Variants in ULK4 observed in about 807,000 individuals in gnomAD.
ULK4 encodes inactive serine/threonine-protein kinase ULK4.
ULK4 carries 133 observed loss-of-function variants against 160.6 expected under a neutral mutation model. The ratio of observed to expected loss-of-function variants is 0.83; its 90% CI spans 0.72 to 0.96. The LOEUF (loss-of-function observed/expected upper bound fraction) is 0.96. Among genes scored for constraint, ULK4 ranks in the 40% least tolerant of loss-of-function variants. ULK4 has a pLI of 0.00. For missense variants in ULK4, 1,580 were observed against 1,499.5 expected (o/e 1.05, Z -0.89); for synonymous variants, 534 against 539.8 (o/e 0.99, Z 0.15).
chr3:41,292,249 G>C (rs994998070), intron 35 of ULK4, among the ~76,000 whole-genome samples: 1 of 152,180 alleles, frequency 6.6e-6, no homozygotes, highest in Non-Finnish European at 1.5e-5. Context: ...TAAATAATTT[G>C]TAAAGACAAG....
At position 41,819,432 on chromosome 3, in the gene ULK4, A is replaced by C. The variant is rs748378979; in HGVS notation, c.1839T>G (p.Leu613=). The change falls in exon 19 of 37, where the codon CTT becomes CTG. Residue 613 remains leucine, a synonymous_variant. Coordinates refer to ENST00000301831, the MANE Select transcript of ULK4 (RefSeq NM_017886.4). ...AACAAAGGAGCCTTACCCCTTCCCG[A>C]AGGCACCTCATTAGCACTGTGTATG... The part of the protein sequence containing the change: ...LAAYTVLMRC[L]REGEERVVNH... 1.2e-6 allele frequency: 2 copies of C among 1,613,722 alleles called. No homozygotes were observed. The highest frequency in any genetic ancestry group is 1.7e-6 in the Non-Finnish European group (2 of 1,179,854).
chr3:41,563,306 C>A (rs1034890630), intron 32 of ULK4, among the ~76,000 whole-genome samples: 5 of 151,656 alleles, frequency 3.3e-5, no homozygotes, highest in Admixed American at 2.0e-4. Context: ...TCCTTCATTT[C>A]AACCTTGGTG....
chr3:41,743,957 G>A lies in ULK4; in HGVS notation c.2321+10404C>T, dbSNP rs2038330418. On this transcript the variant is annotated intron_variant, in intron 22 of 36. Transcript: ENST00000301831. ...GTAGGGAAAATAAAAAGAAAGTAGGGAAAATAAAAGTAAACTAGGTGTTTA... is the reference window on the plus strand; with the variant it reads ...GTAGGGAAAATAAAAAGAAAGTAGGAAAAATAAAAGTAAACTAGGTGTTTA... Among the ~76,000 whole-genome samples, 3 of 151,874 alleles carry A rather than the reference G, an allele frequency of 2.0e-5. No homozygotes were observed. In the South Asian group the frequency reaches 6.2e-4, roughly 32 times the overall value.
intron 18 of ULK4, among the ~76,000 whole-genome samples, chr3:41,831,531 A>ATATATATATTTTTTT: frequency 2.9e-5 from 4 of 138,064 alleles, no homozygotes; most frequent in African/African-American, 1.1e-4. Context: ...ATATATATAT[A>ATATATATATTTTTTT]TTTTTTTTTC....
intron 17 of ULK4, among the ~76,000 whole-genome samples, chr3:41,857,344 T>C (rs764646582): frequency 6.6e-6 from 1 of 152,222 alleles, no homozygotes; most frequent in Non-Finnish European, 1.5e-5. Context: ...TTCAGTTTCC[T>C]AGTATTTTGT....
At chr3:41,311,727 C>A (rs1012321827) in intron 35 of ULK4, among the ~76,000 whole-genome samples, 1 of 151,508 alleles carries the variant, frequency 6.6e-6, no homozygotes, top group African/African-American at 2.4e-5. Context: ...TGCCACTAGG[C>A]TCGGCTAATT....
intron 22 of ULK4, among the ~76,000 whole-genome samples, chr3:41,720,182 G>A (rs2037402161): frequency 6.6e-6 from 1 of 152,066 alleles, no homozygotes; most frequent in Non-Finnish European, 1.5e-5. Flanking sequence ...AAATACCTAA[G>A]GGCAAGGACT....
chr3:41,733,804 A>G (rs1368733303), intron 22 of ULK4, among the ~76,000 whole-genome samples: 1 of 132,666 alleles, frequency 7.5e-6, no homozygotes, highest in East Asian at 2.2e-4. Context: ...GCGCAATCTC[A>G]CCTCACTGTA....
chr3:41,411,280 G>A (rs896620755), intron 34 of ULK4, among the ~76,000 whole-genome samples: 4 of 152,026 alleles, frequency 2.6e-5, no homozygotes, highest in Admixed American at 6.6e-5. Flanking sequence ...TATACCTCCA[G>A]CATTAACATC....
chr3:41,543,599 T>C (rs867531881), intron 32 of ULK4, among the ~76,000 whole-genome samples: 2 of 152,188 alleles, frequency 1.3e-5, no homozygotes, highest in African/African-American at 4.8e-5. Flanking sequence ...ATCCAATCTC[T>C]GTTATAAGTC....
At chr3:41,427,335 C>G (rs1320254098) in intron 34 of ULK4, among the ~76,000 whole-genome samples, 8 of 148,402 alleles carry the variant, frequency 5.4e-5, no homozygotes, top group Non-Finnish European at 1.2e-4. Flanking sequence ...ACCAGAGGTA[C>G]AAAGAGAAGC....
chr3:41,669,792 A>G (rs2035474072), intron 29 of ULK4, among the ~76,000 whole-genome samples: 1 of 150,796 alleles, frequency 6.6e-6, no homozygotes, highest in Admixed American at 6.6e-5. Context: ...CCAGTAATAT[A>G]GTGTTATATA....
At chr3:41,914,677 GTTTAC>G in intron 8 of ULK4, 1 of 152,244 alleles carries the variant, frequency 6.6e-6, no homozygotes, top group East Asian at 1.9e-4. Context: ...CATTCTAAAC[GTTTAC>G]TTTTTTATAG....
chr3:41,720,425 T>TA (rs11457888), intron 22 of ULK4, among the ~76,000 whole-genome samples: 47,355 of 151,562 alleles, frequency 0.31, 10,790 homozygotes, highest in African/African-American at 0.65. Flanking sequence ...GCTAAAAAAA[T>TA]AAAAAACTTC....
Position 41,464,898 on chromosome 3 carries a change from CTTCA to C in ULK4, c.3227-1649_3227-1646del, listed in dbSNP as rs2083788260. 2.0e-5 allele frequency among the ~76,000 whole-genome samples: 3 copies of C among 152,312 alleles called. No homozygotes were observed. In the South Asian group the frequency reaches 6.2e-4, roughly 32 times the overall value. The stretch of plus-strand genomic sequence containing the variant: ...AGTGGGCATCAATGTTCTTCTTGAA[CTTCA>C]TTCAGTCTTCAAGGAAGGAGTGCAA... On this transcript the variant is annotated intron_variant, in intron 32 of 36. Coordinates refer to ENST00000301831, the MANE Select transcript of ULK4 (RefSeq NM_017886.4).
intron 30 of ULK4, among the ~76,000 whole-genome samples, chr3:41,637,451 A>G (rs1413476613): frequency 6.6e-6 from 1 of 152,212 alleles, no homozygotes; most frequent in Non-Finnish European, 1.5e-5. Flanking sequence ...CTATTGATGG[A>G]CATAGGTTGA....
At chr3:41,912,996 G>T in intron 8 of ULK4, 97 bp from the exon 9 acceptor site, 1 of 970,714 alleles carries the variant, frequency 1.0e-6, no homozygotes, top group Non-Finnish European at 1.6e-6. Context: ...ATTTTACAAG[G>T]TACACATGTA....
intron 35 of ULK4, among the ~76,000 whole-genome samples, chr3:41,275,887 G>A (rs77112271): frequency 0.038 from 5,823 of 152,342 alleles, 171 homozygotes; most frequent in Non-Finnish European, 0.062. Flanking sequence ...TTAATGATCT[G>A]TCCTCATTGG....
chr3:41,855,430 T>C (rs1253373857), intron 17 of ULK4, among the ~76,000 whole-genome samples: 3 of 152,190 alleles, frequency 2.0e-5, no homozygotes, highest in African/African-American at 4.8e-5. Flanking sequence ...GGATGATACA[T>C]ACATTTATCA....
Sources: allele counts gnomAD v4.1 joint callset (sites outside exome capture counted in the v4.1 genomes callset), GRCh38; gene constraint gnomAD v4.1.1; transcripts MANE v1.5; gene names NCBI Gene and HGNC (gene_info 2026-07-23, HGNC 2026-07-21).